Variants in ASB4 observed in about 807,000 individuals in gnomAD.
ASB4 encodes the protein ankyrin repeat and SOCS box containing 4.
Under a neutral mutation model 38.6 loss-of-function variants are expected in ASB4, and 35 were observed. That is an observed-to-expected ratio of 0.91 (90% confidence interval 0.69 to 1.20). The LOEUF (loss-of-function observed/expected upper bound fraction) is 1.20. Among genes scored for constraint, ASB4 ranks in the 50% most tolerant of loss-of-function variants. The pLI, the probability that ASB4 is intolerant of heterozygous loss-of-function variation, is 0.00. For missense variants in ASB4, 557 were observed against 527.2 expected (o/e 1.06, Z -0.55); for synonymous variants, 195 against 201.3 (o/e 0.97, Z 0.26).
chr7:95,476,142 C>A (rs1419585358), upstream of ASB4, among the ~76,000 whole-genome samples: 1 of 152,180 alleles, frequency 6.6e-6, no homozygotes. Context: ...TAATTTCATT[C>A]GTCTATAAGT....
At chr7:95,522,555 T>C (rs566945691) in intron 2 of ASB4, among the ~76,000 whole-genome samples, 63 of 152,284 alleles carry the variant, frequency 4.1e-4, no homozygotes, top group African/African-American at 1.3e-3. Context: ...TTTAAAAGAT[T>C]ATGTGTAGAT....
the ASB4 span, among the ~76,000 whole-genome samples, chr7:95,549,117 T>A: frequency 1.3e-5 from 2 of 152,078 alleles, no homozygotes; most frequent in African/African-American, 4.8e-5. Context: ...GATAGCAGGA[T>A]GGGGATGTCC....
intron 1 of ASB4, among the ~76,000 whole-genome samples, chr7:95,495,430 T>C (rs1245268759): frequency 6.6e-6 from 1 of 152,002 alleles, no homozygotes; most frequent in East Asian, 1.9e-4. Flanking sequence ...CAAAATAAAA[T>C]ACAATTACAT....
At chr7:95,487,342 A>AAT (rs1790106943) in intron 1 of ASB4, among the ~76,000 whole-genome samples, 1 of 152,224 alleles carries the variant, frequency 6.6e-6, no homozygotes, top group African/African-American at 2.4e-5. Context: ...AAATTTGTAT[A>AAT]CTATATAATC....
chr7:95,523,075 C>A (rs1276502255), intron 2 of ASB4, among the ~76,000 whole-genome samples: 1 of 152,138 alleles, frequency 6.6e-6, no homozygotes, highest in African/African-American at 2.4e-5. Context: ...TGGAAGGACT[C>A]CATACTGTAA....
chr7:95,543,084 G>A (rs1355491593), downstream of ASB4: 1 of 152,224 alleles, frequency 6.6e-6, no homozygotes, highest in Non-Finnish European at 1.5e-5. Context: ...TTCACTCCTT[G>A]TCCTGTTCCA....
At chr7:95,525,515 A>C (rs576117464) in intron 2 of ASB4, among the ~76,000 whole-genome samples, 8 of 152,268 alleles carry the variant, frequency 5.3e-5, no homozygotes, top group African/African-American at 1.9e-4. Context: ...CTATTCAGAA[A>C]AGGAAACCAT....
upstream of ASB4, among the ~76,000 whole-genome samples, chr7:95,477,668 C>T (rs192993155): frequency 6.6e-6 from 1 of 151,266 alleles, no homozygotes; most frequent in African/African-American, 2.4e-5. Flanking sequence ...TTTGTGCAAA[C>T]ATGTAAGTGA....
At chr7:95,496,835 G>A (rs1024169680) in intron 2 of ASB4, among the ~76,000 whole-genome samples, 1 of 152,074 alleles carries the variant, frequency 6.6e-6, no homozygotes. Flanking sequence ...CTGACAGAGT[G>A]AGACCCTGTC....
chr7:95,531,420 G>A (rs2116650876), intron 3 of ASB4, among the ~76,000 whole-genome samples: 1 of 152,262 alleles, frequency 6.6e-6, no homozygotes, highest in East Asian at 1.9e-4. Context: ...GGATGGACAG[G>A]GACACAGGGC....
upstream of ASB4, among the ~76,000 whole-genome samples, chr7:95,482,028 C>T (rs992089056): frequency 6.6e-6 from 1 of 152,160 alleles, no homozygotes; most frequent in African/African-American, 2.4e-5. Context: ...GGTCTCACAC[C>T]TGCTATTAGC....
Position 95,538,763 on chromosome 7 carries a change from A to G in ASB4, c.*1004A>G, listed in dbSNP as rs1790930741. Reference sequence around the variant, plus strand: ...ATTGCACACTCAATGGCTCCAGTGCATGTGACAAGGAAGCATAGGAAAATG... The same window carrying G: ...ATTGCACACTCAATGGCTCCAGTGCGTGTGACAAGGAAGCATAGGAAAATG... On this transcript the variant is annotated 3_prime_UTR_variant, in exon 5 of 5. Coordinates refer to ENST00000325885, the MANE Select transcript of ASB4 (RefSeq NM_016116.3). The G allele has an allele frequency of 6.6e-6, 1 of 152,180 alleles. No homozygotes were observed. The highest frequency in any genetic ancestry group is 6.5e-5 in the Admixed American group (1 of 15,272). The allele number at this position is 152,180 out of a possible 1,614,324, so 9.4% of individuals were successfully genotyped here. A position where few individuals can be genotyped will look rare whatever the true frequency, so the allele number is the denominator to read the frequency against.
chr7:95,500,674 A>C (rs1369514260), intron 2 of ASB4, among the ~76,000 whole-genome samples: 1 of 151,122 alleles, frequency 6.6e-6, no homozygotes, highest in African/African-American at 2.4e-5. Context: ...TCTTTGGTTC[A>C]CTTGTTAAAA....
chr7:95,511,514 G>A (rs1270676121), intron 2 of ASB4, among the ~76,000 whole-genome samples: 1 of 151,972 alleles, frequency 6.6e-6, no homozygotes, highest in Non-Finnish European at 1.5e-5. Context: ...AGATCGGCTT[G>A]GACTTAATAA....
Position 95,511,885 on chromosome 7 carries a change from C to T in ASB4, c.487+15828C>T, listed in dbSNP as rs73711338. Among the ~76,000 whole-genome samples, 599 of 152,260 alleles carry T rather than the reference C, an allele frequency of 3.9e-3. 4 individuals are homozygous for T. Among genetic ancestry groups the T allele is most frequent in the African/African-American group, 0.014 (576 of 41,548 alleles). On this transcript the variant is annotated intron_variant, in intron 2 of 4. Coordinates refer to ENST00000325885, the MANE Select transcript of ASB4 (RefSeq NM_016116.3). ...CTCTCGTTTTGTCCACTAGGTGGTG[C>T]TGCCTTCCCTTTGCTACTTTAGAGT...
intron 2 of ASB4, among the ~76,000 whole-genome samples, chr7:95,507,369 C>T (rs1790424768): frequency 6.6e-6 from 1 of 151,832 alleles, no homozygotes; most frequent in African/African-American, 2.4e-5. Flanking sequence ...ATCTAGAATG[C>T]TCTGCTCCTC....
chr7:95,511,881 G>T lies in ASB4; in HGVS notation c.487+15824G>T, dbSNP rs139351620. Reference sequence around the variant, plus strand: ...AGAGCTCTCGTTTTGTCCACTAGGTGGTGCTGCCTTCCCTTTGCTACTTTA... The same window carrying T: ...AGAGCTCTCGTTTTGTCCACTAGGTTGTGCTGCCTTCCCTTTGCTACTTTA... On this transcript the variant is annotated intron_variant, in intron 2 of 4. Transcript: ENST00000325885. Among the ~76,000 whole-genome samples the T allele has an allele frequency of 2.8e-3, 419 of 152,228 alleles. 1 individual carries two copies. Among genetic ancestry groups the T allele is most frequent in the South Asian group, 7.5e-3 (36 of 4,810 alleles).
intron 2 of ASB4, among the ~76,000 whole-genome samples, chr7:95,499,314 A>G (rs943082794): frequency 3.3e-5 from 5 of 152,202 alleles, no homozygotes; most frequent in Non-Finnish European, 7.4e-5. Context: ...AAAAAGCCCC[A>G]ATGAATTCTA....
At chr7:95,471,562 A>G in the ASB4 span, among the ~76,000 whole-genome samples, 1 of 152,200 alleles carries the variant, frequency 6.6e-6, no homozygotes. Flanking sequence ...CTCTTCCAAC[A>G]CTGTCAGTGT....
Sources: gnomAD v4.1 joint callset for allele counts (sites outside exome capture counted in the v4.1 genomes callset) on GRCh38, gnomAD v4.1.1 for gene constraint, MANE v1.5 for transcripts, NCBI Gene and HGNC (gene_info 2026-07-23, HGNC 2026-07-21) for gene names.